ARMC8: variants seen among roughly 807,000 people sequenced by gnomAD.
ARMC8 encodes armadillo repeat containing 8, also known as armadillo repeat-containing protein 8.
In ARMC8, 20 loss-of-function variants were observed where a neutral mutation model predicts 99.3. The observed-to-expected ratio is 0.20, with a 90% confidence interval of 0.14 to 0.29. ARMC8 has a LOEUF of 0.29. Among genes scored for constraint, ARMC8 ranks in the 10% least tolerant of loss-of-function variants. ARMC8 has a pLI of 1.00. For missense variants in ARMC8, 569 were observed against 809.5 expected (o/e 0.70, Z 3.60); for synonymous variants, 263 against 278.3 (o/e 0.95, Z 0.55).
intron 1 of ARMC8, among the ~76,000 whole-genome samples, chr3:138,197,647 T>C (rs2043813508): frequency 6.6e-6 from 1 of 152,170 alleles, no homozygotes; most frequent in Admixed American, 6.5e-5. Context: ...TATCTCAGTC[T>C]TTGTGAAACT....
Position 138,195,909 on chromosome 3 carries a change from G to A in ARMC8, c.45+8310G>A, listed in dbSNP as rs562842403. On this transcript the variant is annotated intron_variant, in intron 1 of 21. Coordinates refer to ENST00000469044, the MANE Select transcript of ARMC8 (RefSeq NM_001363941.2). ...CCACATTCCCTAATTTCAGAGGAAT[G>A]AAGAGTTACATTTTCTAGCATATTC... Among the ~76,000 whole-genome samples the A allele has an allele frequency of 1.5e-3, 228 of 151,530 alleles. 1 individual carries two copies. The highest frequency in any genetic ancestry group is 5.2e-3 in the African/African-American group (215 of 41,356).
Position 138,223,706 on chromosome 3 carries a change from T to A in ARMC8, c.408T>A (p.Pro136=). ...GCCTGCGTACCATCTTCACCAGTCCTGTCACTCCAGAGGAGCTACTGTATA... is the reference window on the plus strand; with the variant it reads ...GCCTGCGTACCATCTTCACCAGTCCAGTCACTCCAGAGGAGCTACTGTATA... ...LRCLRTIFTS[P]VTPEELLYTD... The change falls in exon 5 of 22, where the codon CCT becomes CCA. Residue 136 remains proline (P), a synonymous_variant. Transcript: ENST00000469044. The A allele has an allele frequency of 6.2e-7, 1 of 1,614,196 alleles. No homozygotes were observed. The highest frequency in any genetic ancestry group is 8.5e-7 in the Non-Finnish European group (1 of 1,180,006).
intron 1 of ARMC8, among the ~76,000 whole-genome samples, chr3:138,203,637 G>A (rs1392966834): frequency 5.9e-5 from 9 of 152,182 alleles, no homozygotes; most frequent in African/African-American, 2.2e-4. Flanking sequence ...CATTCCATTT[G>A]CTAGAACCTA....
intron 5 of ARMC8, among the ~76,000 whole-genome samples, chr3:138,224,892 T>A (rs551167538): frequency 6.6e-6 from 1 of 152,322 alleles, no homozygotes; most frequent in East Asian, 1.9e-4. Context: ...AAGCTATTTT[T>A]AAAAAGACCC....
At chr3:138,239,631 T>C (rs2046509042) in intron 10 of ARMC8, 103 bp downstream of exon 10, 2 of 693,022 alleles carry the variant, frequency 2.9e-6, no homozygotes, top group Admixed American at 2.7e-5. Flanking sequence ...CATTATGATA[T>C]ATGTGCATGG....
chr3:138,295,584 C>G (rs1208329335), intron 21 of ARMC8, among the ~76,000 whole-genome samples: 1 of 152,202 alleles, frequency 6.6e-6, no homozygotes, highest in Non-Finnish European at 1.5e-5. Flanking sequence ...CAGCACATAC[C>G]AGGGACTGTG....
At chr3:138,294,841 T>G (rs1322576793) in intron 21 of ARMC8, among the ~76,000 whole-genome samples, 2 of 152,098 alleles carry the variant, frequency 1.3e-5, no homozygotes, top group Non-Finnish European at 2.9e-5. Context: ...CAGGATAGAT[T>G]AAGTCACTGT....
At chr3:138,250,848 T>C (rs556522604) in intron 12 of ARMC8, among the ~76,000 whole-genome samples, 1 of 152,326 alleles carries the variant, frequency 6.6e-6, no homozygotes, top group East Asian at 1.9e-4. Context: ...ATCTTTCTGC[T>C]GTCTCTAAAG....
intron 12 of ARMC8, chr3:138,262,505 C>A: frequency 6.3e-7 from 1 of 1,596,298 alleles, no homozygotes; most frequent in Non-Finnish European, 8.5e-7. Context: ...TCCACTCTCT[C>A]ATGTTCTAAG....
chr3:138,262,869 A>G (rs1443187081), intron 12 of ARMC8, among the ~76,000 whole-genome samples: 3 of 152,238 alleles, frequency 2.0e-5, no homozygotes, highest in Non-Finnish European at 2.9e-5. Context: ...CTGAGCATAT[A>G]GACTCTGGAG....
intron 1 of ARMC8, among the ~76,000 whole-genome samples, chr3:138,198,807 C>T (rs1352486759): frequency 3.3e-5 from 5 of 152,054 alleles, no homozygotes; most frequent in East Asian, 3.9e-4. Context: ...CCACTGCGCC[C>T]GGCCATATAG....
chr3:138,209,856 T>C lies in ARMC8; in HGVS notation c.85T>C (p.Phe29Leu), dbSNP rs1284723483. The change falls in exon 2 of 22, where the codon TTT becomes CTT. Residue 29 changes from phenylalanine to leucine, a missense_variant. By Grantham distance (22) the Phe-to-Leu change is conservative. Transcript: ENST00000469044. ...ASSRHYVDRL[F>L]DPDPQKVLQG... ...CAGTCGCCACTATGTTGACAGGCTA[T>C]TTGACCCTGATCCCCAGAAAGTTCT... The C allele has an allele frequency of 6.2e-7, 1 of 1,613,984 alleles. No individual in the cohort carries two copies. Among genetic ancestry groups the C allele is most frequent in the South Asian group, 1.1e-5 (1 of 91,070 alleles).
intron 6 of ARMC8, 36 bp downstream of exon 6, chr3:138,229,046 A>C (rs1222676898): frequency 6.7e-7 from 1 of 1,486,586 alleles, no homozygotes; most frequent in South Asian, 1.1e-5. Context: ...ATAATGTAAA[A>C]TCTTATTATG....
At chr3:138,246,292 G>T (rs535251643) in intron 12 of ARMC8, 2 of 985,780 alleles carry the variant, frequency 2.0e-6, no homozygotes, top group Admixed American at 6.1e-5. Flanking sequence ...CTTTATTTCA[G>T]TTAACAAGAT....
Position 138,238,081 on chromosome 3 carries a change from T to TAC in ARMC8, c.776+509_776+510insAC, listed in dbSNP as rs1347087778. 4 of 151,678 alleles carry TAC rather than the reference T, an allele frequency of 2.6e-5. No homozygotes were observed. In the East Asian group the frequency reaches 7.7e-4, roughly 29 times the overall value. The allele number at this position is 151,678 out of a possible 1,614,324, so 9.4% of individuals were successfully genotyped here. The stretch of plus-strand genomic sequence containing the variant: ...CTTATGCAAAGGTTTTTTTTTTTTT[T>TAC]TTCTAGACGGAGTCTCACTCTGTCA... On this transcript the variant is annotated intron_variant, in intron 9 of 21. Transcript: ENST00000469044.
At chr3:138,239,329 G>A (rs1025415165) in intron 9 of ARMC8, 139 bp from the exon 10 acceptor site, 19 of 580,854 alleles carry the variant, frequency 3.3e-5, no homozygotes, top group African/African-American at 1.6e-4. Flanking sequence ...TCCGAAAAGC[G>A]AATTGTCAAA....
At position 138,240,773 on chromosome 3, in the gene ARMC8, G is replaced by A. The variant is rs1461156267; in HGVS notation, c.838-1010G>A. ...GTATTTGAGGAAGACTTTCTATAAT[G>A]ATAACATTTCAATTTATACTTCCAC... is the stretch of plus-strand genomic sequence containing the variant. On this transcript the variant is annotated intron_variant, in intron 10 of 21. Transcript: ENST00000469044. Among the ~76,000 whole-genome samples, 3 of 152,318 alleles carry A rather than the reference G, an allele frequency of 2.0e-5. No individual in the cohort carries two copies. In the East Asian group the frequency reaches 5.8e-4, roughly 29 times the overall value.
chr3:138,265,187 C>T (rs1048177953), intron 14 of ARMC8, among the ~76,000 whole-genome samples: 5 of 152,116 alleles, frequency 3.3e-5, no homozygotes, highest in Non-Finnish European at 7.4e-5. Flanking sequence ...TATGAGCCAC[C>T]ATGCCTGACC....
rs546974462 is a variant in ARMC8 at position 138,283,536 on chromosome 3, G to T, written c.1726-895G>T. 6.7e-4 allele frequency among the ~76,000 whole-genome samples: 102 copies of T among 151,476 alleles called. 1 individual carries two copies. The highest frequency in any genetic ancestry group is 2.4e-3 in the African/African-American group (99 of 41,288). ...TGACAGCTTCAAAGTCAGGGAGTGTGTTTTTTTTTCCTGCCTCATCCTGAT... is the reference window on the plus strand; with the variant it reads ...TGACAGCTTCAAAGTCAGGGAGTGTTTTTTTTTTTCCTGCCTCATCCTGAT... On this transcript the variant is annotated intron_variant, in intron 18 of 21. Coordinates refer to ENST00000469044, the MANE Select transcript of ARMC8 (RefSeq NM_001363941.2).
Sources: allele counts gnomAD v4.1 joint callset (sites outside exome capture counted in the v4.1 genomes callset), GRCh38; gene constraint gnomAD v4.1.1; transcripts MANE v1.5; gene names NCBI Gene and HGNC (gene_info 2026-07-23, HGNC 2026-07-21).